The following HMCN1 variants were observed in gnomAD, a reference collection of about 807,000 sequenced individuals.
The protein encoded by HMCN1 is hemicentin-1.
A neutral mutation model predicts 625.9 loss-of-function variants in HMCN1; 321 were observed. That is an observed-to-expected ratio of 0.51 (90% CI 0.47 to 0.56). The LOEUF is 0.56. Ranked by LOEUF, HMCN1 falls within the 20% of genes least tolerant of loss-of-function variation. The pLI is 0.00. For synonymous variants in HMCN1, 2,425 were observed against 2,417.6 expected, an observed-to-expected ratio of 1.00 and a Z score of -0.09; for missense variants, 6,588 against 6,887.3, an observed-to-expected ratio of 0.96 and a Z score of 1.54.
At chr1:186,178,074 C>G (rs990278304) in intron 103 of HMCN1, among the ~76,000 whole-genome samples, 1 of 152,124 alleles carries the variant, frequency 6.6e-6, no homozygotes, top group African/African-American at 2.4e-5. Context: ...ACAGAGCTCC[C>G]TAGGTCTTAA....
At chr1:185,971,999 A>T (rs1650865963) in intron 15 of HMCN1, among the ~76,000 whole-genome samples, 1 of 152,212 alleles carries the variant, frequency 6.6e-6, no homozygotes, top group African/African-American at 2.4e-5. Flanking sequence ...GATGTAAAAC[A>T]CAGTAATGCT....
At chr1:186,069,126 T>C (rs1041004355) in intron 50 of HMCN1, among the ~76,000 whole-genome samples, 2 of 152,124 alleles carry the variant, frequency 1.3e-5, no homozygotes, top group Non-Finnish European at 2.9e-5. Context: ...AGTGGAAATA[T>C]TGTGTGTATG....
intron 52 of HMCN1, among the ~76,000 whole-genome samples, chr1:186,074,074 G>A (rs974260553): frequency 5.3e-5 from 8 of 151,888 alleles, no homozygotes; most frequent in African/African-American, 1.4e-4. Flanking sequence ...TAGTGAGCCC[G>A]GAGCTAAAAT....
At chr1:186,126,255 A>G (rs1477044793) in intron 82 of HMCN1, among the ~76,000 whole-genome samples, 1 of 44,832 alleles carries the variant, frequency 2.2e-5, no homozygotes, top group Non-Finnish European at 3.6e-5. Flanking sequence ...ATAAATATTC[A>G]TATATATTCA....
At position 186,015,953 on chromosome 1, in the gene HMCN1, C is replaced by G; in HGVS notation, c.4910-5C>G. 6.2e-7 allele frequency: 1 copy of G among 1,611,664 alleles called. No individual in the cohort carries two copies. Among genetic ancestry groups the G allele is most frequent in the South Asian group, 1.1e-5 (1 of 91,012 alleles). ...TGCCTGAAATATTGCTATGTTTCTC[C>G]CTAGTTCCTCCAATGATTGAAGGCA... On this transcript the variant is annotated splice_region_variant and splice_polypyrimidine_tract_variant and intron_variant, in intron 31 of 106. Transcript: ENST00000271588.
rs561700157 is a variant in HMCN1, at chr1:185,997,501, T to C, written c.3851T>C (p.Ile1284Thr). 1.7e-5 allele frequency: 28 copies of C among 1,611,034 alleles called. 1 individual carries two copies. The South Asian group carries it at 3.0e-4, about 17-fold the overall frequency. The change falls in exon 25 of 107, where the codon ATT becomes ACT. Residue 1284 changes from isoleucine (I) to threonine (T), a missense_variant. Ile to Thr is a moderately conservative substitution (Grantham distance 89). Transcript: ENST00000271588. ...CAAGAAAGAGTGGCCAATCAACGCATTGAATTTCCATGTCCTGCAAAAGGT... is the reference window on the plus strand; with the variant it reads ...CAAGAAAGAGTGGCCAATCAACGCACTGAATTTCCATGTCCTGCAAAAGGT... ...TFQERVANQRIEFPCPAKGTP... is the reference protein window; with the variant it reads ...TFQERVANQRTEFPCPAKGTP...
At chr1:186,082,409 C>T (rs987872565) in intron 56 of HMCN1, among the ~76,000 whole-genome samples, 5 of 152,156 alleles carry the variant, frequency 3.3e-5, no homozygotes, top group Admixed American at 2.0e-4. Flanking sequence ...TACCCTCCAG[C>T]AGGCTAATCC....
At chr1:186,139,611 T>A (rs925845061) in intron 89 of HMCN1, among the ~76,000 whole-genome samples, 4 of 151,794 alleles carry the variant, frequency 2.6e-5, no homozygotes, top group African/African-American at 4.8e-5. Context: ...TTTTTTTTTT[T>A]AAAGGCTTTC....
At chr1:185,921,135 G>A (rs1476646072) in intron 6 of HMCN1, among the ~76,000 whole-genome samples, 1 of 151,974 alleles carries the variant, frequency 6.6e-6, no homozygotes, top group Non-Finnish European at 1.5e-5. Context: ...GATAAGGGTT[G>A]TACTAAGATC....
rs373500130 is a variant in HMCN1, at chr1:186,062,659, C to G, written c.7513+59C>G. 1.6e-5 allele frequency: 18 copies of G among 1,112,564 alleles called. No homozygotes were observed. The African/African-American group carries it at 2.6e-4, about 16-fold the overall frequency. 68.9% of individuals were successfully genotyped at this position (1,112,564 alleles called of 1,614,324 possible). A position where few individuals can be genotyped will look rare whatever the true frequency, so the allele number is the denominator to read the frequency against. On this transcript the variant is annotated intron_variant, in intron 48 of 106. Coordinates refer to ENST00000271588, the MANE Select transcript of HMCN1 (RefSeq NM_031935.3). ...CCCCACTCACTGATAGTCATTGCCT[C>G]CACTATATATCTTAAAAATTTTTTA...
At chr1:185,875,021 A>C (rs1428223679) in intron 4 of HMCN1, among the ~76,000 whole-genome samples, 2 of 151,884 alleles carry the variant, frequency 1.3e-5, no homozygotes, top group South Asian at 2.1e-4. Context: ...AATAATAAAT[A>C]AAAACAAGTA....
In HMCN1 at chr1:186,013,585, C is replaced by A. The variant is rs569980345; in HGVS notation, c.4631-1574C>A. Among the ~76,000 whole-genome samples the A allele has an allele frequency of 8.5e-5, 13 of 152,250 alleles. No homozygotes were observed. The South Asian group carries it at 2.7e-3, about 32-fold the overall frequency. On this transcript the variant is annotated intron_variant, in intron 30 of 106. Coordinates refer to ENST00000271588, the MANE Select transcript of HMCN1 (RefSeq NM_031935.3). ...AATATCCTTTTCCATTAAAAGGGACCAGGCTCCTTGGAGAAATGGTTAAGT... is the reference window on the plus strand; with the variant it reads ...AATATCCTTTTCCATTAAAAGGGACAAGGCTCCTTGGAGAAATGGTTAAGT...
intron 36 of HMCN1, among the ~76,000 whole-genome samples, chr1:186,032,938 G>A (rs565662334): frequency 1.3e-5 from 2 of 151,884 alleles, no homozygotes; most frequent in East Asian, 1.9e-4. Flanking sequence ...AAAAGAAGTC[G>A]TTATATGAAA....
At chr1:186,182,001 A>G (rs1189460385) in intron 104 of HMCN1, among the ~76,000 whole-genome samples, 167 bp from the exon 105 acceptor site, 2 of 152,242 alleles carry the variant, frequency 1.3e-5, no homozygotes, top group African/African-American at 4.8e-5. Context: ...TTTTTATAAC[A>G]TAAAAGTATC....
At chr1:185,750,819 T>TGA (rs544609253) in intron 1 of HMCN1, among the ~76,000 whole-genome samples, 25 of 152,072 alleles carry the variant, frequency 1.6e-4, no homozygotes, top group African/African-American at 5.8e-4. Context: ...CTGTTGAGTT[T>TGA]TTTTAAAATT....
Position 186,151,185 on chromosome 1 carries a change from T to G in HMCN1, c.14609-15T>G. 2 of 1,613,600 alleles carry G rather than the reference T, an allele frequency of 1.2e-6. No homozygotes were observed. Among genetic ancestry groups the G allele is most frequent in the Non-Finnish European group, 1.7e-6 (2 of 1,179,634 alleles). Reference sequence around the variant, plus strand: ...TTGCATCCTTATCCAGGAATGTTTTTTTTTCCCCCAATAGGTGGGCCCCAG... The same window carrying G: ...TTGCATCCTTATCCAGGAATGTTTTGTTTTCCCCCAATAGGTGGGCCCCAG... On this transcript the variant is annotated splice_polypyrimidine_tract_variant and intron_variant, in intron 93 of 106. Coordinates refer to ENST00000271588, the MANE Select transcript of HMCN1 (RefSeq NM_031935.3).
chr1:185,911,895 T>C, intron 6 of HMCN1, 115 bp downstream of exon 6: 1 of 806,088 alleles, frequency 1.2e-6, no homozygotes, highest in Non-Finnish European at 2.2e-6. Context: ...AGAGTGCTTG[T>C]AATAAAAAGC....
intron 12 of HMCN1, 126 bp from the exon 13 acceptor site, chr1:185,963,642 C>T: frequency 1.4e-6 from 1 of 695,556 alleles, no homozygotes; most frequent in Non-Finnish European, 2.5e-6. Flanking sequence ...GTAACCATTT[C>T]TGCAATCGAC....
chr1:185,950,843 TGGCACCATG>T (rs1462909008), intron 11 of HMCN1, among the ~76,000 whole-genome samples: 4 of 151,660 alleles, frequency 2.6e-5, no homozygotes, highest in Non-Finnish European at 5.9e-5. Flanking sequence ...TATATGGGTT[TGGCACCATG>T]GGGTGGATAG....
Sources: allele counts gnomAD v4.1 joint callset (sites outside exome capture counted in the v4.1 genomes callset), GRCh38; gene constraint gnomAD v4.1.1; transcripts MANE v1.5; gene names NCBI Gene and HGNC (gene_info 2026-07-23, HGNC 2026-07-21).